The following ACSL4 variants were observed in gnomAD, a reference collection of about 807,000 sequenced individuals.
ACSL4 encodes the protein long-chain-fatty-acid--CoA ligase 4.
Under a neutral mutation model 49.1 loss-of-function variants are expected in ACSL4, and 9 were observed. That is an observed-to-expected ratio of 0.18 (90% CI 0.11 to 0.32). The LOEUF (loss-of-function observed/expected upper bound fraction) is 0.32, where lower values mean the gene tolerates loss of function less well. ACSL4 is among the 10% of genes least tolerant of loss of function. The pLI is 1.00. For synonymous variants in ACSL4, 191 were observed against 170.3 expected (o/e 1.12, Z -0.95); for missense variants, 333 against 493.7 (o/e 0.67, Z 3.08).
In ACSL4 at chrX:109,650,767, C is replaced by T. The variant is rs772206735; in HGVS notation, c.1856-6581G>A. Among the ~76,000 whole-genome samples, 25 of 111,848 alleles carry T rather than the reference C, an allele frequency of 2.2e-4. No individual in the cohort carries two copies. The East Asian group carries it at 6.7e-3, about 30-fold the overall frequency. ...CTTTGTTCAAAGTAGTTATCACCAC[C>T]CAACATATTATATATTTGTTTCACC... On this transcript the variant is annotated intron_variant, in intron 15 of 15. Coordinates refer to ENST00000672401, the MANE Select transcript of ACSL4 (RefSeq NM_001318510.2).
rs182897870 is a variant in ACSL4, at chrX:109,700,738, T to A, written c.-65-4542A>T. Among the ~76,000 whole-genome samples the A allele has an allele frequency of 2.7e-3, 296 of 110,760 alleles. 4 individuals are homozygous for A. The East Asian group carries it at 0.049, about 18-fold the overall frequency. ...TCATGGAAAAGTTAGATAACTTTTTTAAAAAGTTTTTTAAAAATATTCAGG... is the reference window on the plus strand; with the variant it reads ...TCATGGAAAAGTTAGATAACTTTTTAAAAAAGTTTTTTAAAAATATTCAGG... On this transcript the variant is annotated intron_variant, in intron 1 of 15. Coordinates refer to ENST00000672401, the MANE Select transcript of ACSL4 (RefSeq NM_001318510.2).
At chrX:109,686,267 C>T (rs966416448) in intron 2 of ACSL4, among the ~76,000 whole-genome samples, 11 of 111,919 alleles carry the variant, frequency 9.8e-5, no homozygotes, top group African/African-American at 9.7e-5. Context: ...GTATAGAACA[C>T]GGACCAGTAG....
chrX:109,724,890 C>T lies in ACSL4; in HGVS notation c.-66+8249G>A, dbSNP rs761738046. 1.1e-4 allele frequency among the ~76,000 whole-genome samples: 12 copies of T among 109,085 alleles called. 3 individuals are homozygous for T. Among genetic ancestry groups the T allele is most frequent in the South Asian group, 8.0e-4 (2 of 2,496 alleles). The allele number at this position is 109,085 out of a possible 115,157, so 94.7% of individuals were successfully genotyped here. A position where few individuals can be genotyped will look rare whatever the true frequency, so the allele number is the denominator to read the frequency against. On this transcript the variant is annotated intron_variant, in intron 1 of 15. Coordinates refer to ENST00000672401, the MANE Select transcript of ACSL4 (RefSeq NM_001318510.2). ...TCATGCCACTGCACTCCAGCCTGGG[C>T]GACAGAGCGAGATTCCGTCTCAATA...
chrX:109,674,715 G>T (rs1408716938), intron 8 of ACSL4, among the ~76,000 whole-genome samples: 1 of 112,299 alleles, frequency 8.9e-6, no homozygotes, highest in Non-Finnish European at 1.9e-5. Flanking sequence ...GATAACAAGA[G>T]AATGACATTG....
chrX:109,697,492 G>C (rs1190265802), intron 1 of ACSL4, among the ~76,000 whole-genome samples: 1 of 111,044 alleles, frequency 9.0e-6, no homozygotes, highest in East Asian at 2.8e-4. Context: ...AGGAAAGAAT[G>C]ATTTATATCC....
Sources: gnomAD v4.1 joint callset for allele counts (sites outside exome capture counted in the v4.1 genomes callset) on GRCh38, gnomAD v4.1.1 for gene constraint, MANE v1.5 for transcripts, NCBI Gene and HGNC (gene_info 2026-07-23, HGNC 2026-07-21) for gene names.